Variants in CDKAL1 observed in about 807,000 individuals in gnomAD.
CDKAL1 encodes the protein CDKAL1 threonylcarbamoyladenosine tRNA methylthiotransferase, also known as threonylcarbamoyladenosine tRNA methylthiotransferase.
In CDKAL1, 32 loss-of-function variants were observed where a neutral mutation model predicts 68.2. The ratio of observed to expected loss-of-function variants is 0.47; its 90% CI spans 0.35 to 0.63. CDKAL1 has a LOEUF of 0.63. CDKAL1 is among the 30% of genes least tolerant of loss of function. The pLI is 0.00. For synonymous variants in CDKAL1, 234 were observed against 244.3 expected, an observed-to-expected ratio of 0.96 and a Z score of 0.39; for missense variants, 606 against 696.7, an observed-to-expected ratio of 0.87 and a Z score of 1.47.
chr6:20,796,324 T>A (rs1776107529), intron 8 of CDKAL1, among the ~76,000 whole-genome samples: 1 of 152,216 alleles, frequency 6.6e-6, no homozygotes, highest in African/African-American at 2.4e-5. Flanking sequence ...TATGGAAATT[T>A]ACAAAACAGA....
intron 9 of CDKAL1, among the ~76,000 whole-genome samples, chr6:20,912,838 C>G (rs2150627399): frequency 6.6e-6 from 1 of 152,168 alleles, no homozygotes; most frequent in African/African-American, 2.4e-5. Context: ...TTCTGAATTA[C>G]TAGCAGACTT....
chr6:21,099,301 A>G (rs1773467589), intron 12 of CDKAL1, among the ~76,000 whole-genome samples: 1 of 152,236 alleles, frequency 6.6e-6, no homozygotes, highest in Non-Finnish European at 1.5e-5. Context: ...CTTTGCCATC[A>G]TAGCAGAAAA....
chr6:20,576,004 T>A (rs1764892952), intron 4 of CDKAL1, among the ~76,000 whole-genome samples: 1 of 152,122 alleles, frequency 6.6e-6, no homozygotes, highest in Non-Finnish European at 1.5e-5. Context: ...GAGAGGGAAG[T>A]CAATTAATTG....
intron 15 of CDKAL1, among the ~76,000 whole-genome samples, chr6:21,206,517 A>G (rs1309842311): frequency 6.6e-6 from 1 of 152,228 alleles, no homozygotes; most frequent in Non-Finnish European, 1.5e-5. Context: ...AGTCAGAACT[A>G]TTCTTTGCCT....
intron 8 of CDKAL1, among the ~76,000 whole-genome samples, chr6:20,806,958 G>A (rs1776597441): frequency 6.6e-6 from 1 of 152,158 alleles, no homozygotes; most frequent in Non-Finnish European, 1.5e-5. Flanking sequence ...AAAATGTAGA[G>A]TGTTTAAAGC....
intron 13 of CDKAL1, among the ~76,000 whole-genome samples, chr6:21,176,209 A>C (rs538910689): frequency 2.6e-5 from 4 of 152,234 alleles, no homozygotes; most frequent in Non-Finnish European, 4.4e-5. Flanking sequence ...ATTTAAGACT[A>C]TGTGATAAGA....
chr6:20,588,306 A>G (rs765146282), intron 4 of CDKAL1, among the ~76,000 whole-genome samples: 2 of 152,170 alleles, frequency 1.3e-5, no homozygotes, highest in African/African-American at 2.4e-5. Context: ...TTCCTTCTCT[A>G]TAACCCAAAG....
chr6:21,141,881 G>C (rs1775930508), intron 13 of CDKAL1, among the ~76,000 whole-genome samples: 1 of 152,148 alleles, frequency 6.6e-6, no homozygotes, highest in Admixed American at 6.5e-5. Context: ...TACAGAAGTT[G>C]GAGTAAGCAT....
At chr6:20,626,218 C>A (rs111625588) in intron 4 of CDKAL1, among the ~76,000 whole-genome samples, 1 of 152,094 alleles carries the variant, frequency 6.6e-6, no homozygotes, top group Non-Finnish European at 1.5e-5. Context: ...GCAGAACTTA[C>A]CTTCATTGCC....
At position 20,918,231 on chromosome 6, in the gene CDKAL1, A is replaced by T. The variant is rs1317791275; in HGVS notation, c.743-37188A>T. On this transcript the variant is annotated intron_variant, in intron 9 of 15. Transcript: ENST00000274695. ...CACCAGACACCAAATCTGCTGGCAC[A>T]TTGGTCTTTGGCTTCCAAGCTAACA... Among the ~76,000 whole-genome samples the T allele has an allele frequency of 4.6e-5, 7 of 152,222 alleles. No individual in the cohort carries two copies. In the East Asian group the frequency reaches 1.3e-3, roughly 29 times the overall value.
At chr6:21,124,850 C>T (rs1330289250) in intron 13 of CDKAL1, among the ~76,000 whole-genome samples, 1 of 151,936 alleles carries the variant, frequency 6.6e-6, no homozygotes, top group Non-Finnish European at 1.5e-5. Flanking sequence ...ACTGTTGATC[C>T]CCTGTGTAAA....
chr6:20,560,843 C>T (rs1262707402), intron 4 of CDKAL1, among the ~76,000 whole-genome samples: 2 of 152,070 alleles, frequency 1.3e-5, no homozygotes, highest in East Asian at 1.9e-4. Flanking sequence ...TAAAGTGTTA[C>T]GTATGCTAAT....
At chr6:20,564,657 C>T (rs1429989397) in intron 4 of CDKAL1, among the ~76,000 whole-genome samples, 1 of 152,154 alleles carries the variant, frequency 6.6e-6, no homozygotes, top group Non-Finnish European at 1.5e-5. Context: ...ATTAATGTGA[C>T]AGCTAATGTT....
intron 5 of CDKAL1, among the ~76,000 whole-genome samples, chr6:20,662,038 A>G (rs1234787368): frequency 6.6e-6 from 1 of 152,180 alleles, no homozygotes; most frequent in Non-Finnish European, 1.5e-5. Context: ...TTTTGGTTTG[A>G]AAGACATTCT....
At chr6:20,934,506 G>C (rs1038365044) in intron 9 of CDKAL1, among the ~76,000 whole-genome samples, 1 of 151,906 alleles carries the variant, frequency 6.6e-6, no homozygotes, top group African/African-American at 2.4e-5. Context: ...TGTGTAGTCT[G>C]TTTTCTGACC....
intron 9 of CDKAL1, among the ~76,000 whole-genome samples, chr6:20,868,042 G>A (rs941871740): frequency 1.1e-5 from 1 of 89,706 alleles, no homozygotes; most frequent in African/African-American, 3.3e-5. Context: ...TTTGAGCTAC[G>A]TGTTACTTCT....
chr6:21,107,217 G>A (rs1773893962), intron 12 of CDKAL1, among the ~76,000 whole-genome samples: 1 of 152,174 alleles, frequency 6.6e-6, no homozygotes, highest in East Asian at 1.9e-4. Flanking sequence ...AGAGTGCTGG[G>A]ATTACAGGCG....
chr6:20,980,476 A>T (rs1766086100), intron 10 of CDKAL1, among the ~76,000 whole-genome samples: 1 of 152,074 alleles, frequency 6.6e-6, no homozygotes, highest in Non-Finnish European at 1.5e-5. Flanking sequence ...TGACCTCGTG[A>T]TCCGCCCGCC....
At chr6:21,040,948 T>G (rs1769890413) in intron 11 of CDKAL1, among the ~76,000 whole-genome samples, 2 of 152,138 alleles carry the variant, frequency 1.3e-5, no homozygotes, top group Non-Finnish European at 2.9e-5. Context: ...TGATAAGCCC[T>G]CCGGGAGGGA....
Sources: gnomAD v4.1 joint callset for allele counts (sites outside exome capture counted in the v4.1 genomes callset) on GRCh38, gnomAD v4.1.1 for gene constraint, MANE v1.5 for transcripts, NCBI Gene and HGNC (gene_info 2026-07-23, HGNC 2026-07-21) for gene names.